The following BRK1 variants were observed in gnomAD, a reference collection of about 807,000 sequenced individuals.
The protein encoded by BRK1 is protein BRICK1.
A neutral mutation model predicts 9.9 loss-of-function variants in BRK1; 6 were observed. The ratio of observed to expected loss-of-function variants is 0.60; its 90% CI spans 0.33 to 1.19. The LOEUF is 1.19. BRK1 is among the 50% of genes most tolerant of loss of function. The pLI, the probability that BRK1 is intolerant of heterozygous loss-of-function variation, is 0.04. For synonymous variants in BRK1, 44 were observed against 31.9 expected, an observed-to-expected ratio of 1.38 and a Z score of -1.28; for missense variants, 62 against 97.5, an observed-to-expected ratio of 0.64 and a Z score of 1.53.
intron 1 of BRK1, among the ~76,000 whole-genome samples, chr3:10,118,532 G>T (rs761437312): frequency 6.6e-6 from 1 of 151,920 alleles, no homozygotes; most frequent in Non-Finnish European, 1.5e-5. Flanking sequence ...CTGTCACCTA[G>T]GCTGAAGTGC....
In BRK1 at chr3:10,126,461, G is replaced by T; in HGVS notation, c.*166G>T. ...CTTTGGGCTCTGCCATCTGGGGTGTGGTGTGGTATGTGGGAAGAAGTTCAG... is the reference window on the plus strand; with the variant it reads ...CTTTGGGCTCTGCCATCTGGGGTGTTGTGTGGTATGTGGGAAGAAGTTCAG... On this transcript the variant is annotated 3_prime_UTR_variant, in exon 3 of 3. Coordinates refer to ENST00000530758, the MANE Select transcript of BRK1 (RefSeq NM_018462.5). 1.7e-6 allele frequency: 1 copy of T among 577,338 alleles called. No individual in the cohort carries two copies. The highest frequency in any genetic ancestry group is 3.0e-6 in the Non-Finnish European group (1 of 335,460). 35.8% of individuals were successfully genotyped at this position (577,338 alleles called of 1,614,324 possible). A position where few individuals can be genotyped will look rare whatever the true frequency, so the allele number is the denominator to read the frequency against.
chr3:10,116,775 G>A (rs1695692247), intron 1 of BRK1, among the ~76,000 whole-genome samples: 1 of 152,194 alleles, frequency 6.6e-6, no homozygotes, highest in South Asian at 2.1e-4. Flanking sequence ...AAGCATCAGC[G>A]AGAGATGCTA....
rs1400548987 is a variant in BRK1, at chr3:10,126,369, A to G, written c.*74A>G. 1.5e-6 allele frequency: 2 copies of G among 1,307,666 alleles called. No homozygotes were observed. Among genetic ancestry groups the G allele is most frequent in the African/African-American group, 3.0e-5 (2 of 66,986 alleles). 81.0% of individuals were successfully genotyped at this position (1,307,666 alleles called of 1,614,324 possible). On this transcript the variant is annotated 3_prime_UTR_variant, in exon 3 of 3. Transcript: ENST00000530758. ...CATGGGAAAGGCCCCAGCAGCCTTC[A>G]GCTCCTTCCTTTCTCCTTAAAGAGC...
chr3:10,115,707 G>C lies in BRK1; in HGVS notation c.6G>C (p.Ala2=), dbSNP rs749808094. ...CTCTTCCTCAGGCGGCGGCCATGGCGGGACAGGAGGATCCGGTGCAGCGGG... is the reference window on the plus strand; with the variant it reads ...CTCTTCCTCAGGCGGCGGCCATGGCCGGACAGGAGGATCCGGTGCAGCGGG... M[A]GQEDPVQREI... is the part of the protein sequence containing the mutation. Residue 2 remains alanine (A), a synonymous_variant, in exon 1 of 3, where the codon GCG becomes GCC. Coordinates refer to ENST00000530758, the MANE Select transcript of BRK1 (RefSeq NM_018462.5). 2.5e-6 allele frequency: 4 copies of C among 1,613,598 alleles called. No individual in the cohort carries two copies. Among genetic ancestry groups the C allele is most frequent in the African/African-American group, 1.3e-5 (1 of 74,928 alleles).
intron 1 of BRK1, among the ~76,000 whole-genome samples, chr3:10,125,050 T>C (rs551405734): frequency 2.0e-5 from 3 of 152,298 alleles, no homozygotes; most frequent in African/African-American, 7.2e-5. Context: ...TAATCATACC[T>C]GCAAAGCCCT....
intron 2 of BRK1, among the ~76,000 whole-genome samples, chr3:10,125,984 G>C (rs1473518426): frequency 6.6e-6 from 1 of 152,060 alleles, no homozygotes; most frequent in Non-Finnish European, 1.5e-5. Context: ...CCAGCTACTC[G>C]GGAGGCTGAG....
At chr3:10,125,888 C>T (rs998527288) in intron 2 of BRK1, among the ~76,000 whole-genome samples, 180 bp downstream of exon 2, 4 of 152,048 alleles carry the variant, frequency 2.6e-5, no homozygotes, top group Non-Finnish European at 4.4e-5. Flanking sequence ...GTCAGGAGTT[C>T]GAGTCCAGCC....
chr3:10,118,536 G>A (rs952980629), intron 1 of BRK1, among the ~76,000 whole-genome samples: 1 of 151,948 alleles, frequency 6.6e-6, no homozygotes, highest in African/African-American at 2.4e-5. Context: ...CACCTAGGCT[G>A]AAGTGCAGTG....
In BRK1 at chr3:10,125,671, C is replaced by T. The variant is rs764357880; in HGVS notation, c.164C>T (p.Thr55Ile). 1 of 1,612,978 alleles carries T rather than the reference C, an allele frequency of 6.2e-7. No individual in the cohort carries two copies. Among genetic ancestry groups the T allele is most frequent in the Non-Finnish European group, 8.5e-7 (1 of 1,179,436 alleles). Residue 55 changes from threonine (T) to isoleucine (I), a missense_variant, in exon 2 of 3, where the codon ACA (threonine) becomes ATA (isoleucine). Thr to Ile is a moderately conservative substitution (Grantham distance 89). Coordinates refer to ENST00000530758, the MANE Select transcript of BRK1 (RefSeq NM_018462.5). ...SRLATLNEKL[T>I]ALERRIEYIE... is the part of the protein sequence containing the mutation. ...CTTGCAACACTAAACGAGAAATTGACAGCCCTTGAACGGAGAATAGAGTAC... is the reference window on the plus strand; with the variant it reads ...CTTGCAACACTAAACGAGAAATTGATAGCCCTTGAACGGAGAATAGAGTAC...
chr3:10,119,265 T>C (rs1309352831), intron 1 of BRK1, among the ~76,000 whole-genome samples: 1 of 152,012 alleles, frequency 6.6e-6, no homozygotes, highest in Non-Finnish European at 1.5e-5. Flanking sequence ...GAGACCAGCC[T>C]GGCCAATATG....
At chr3:10,125,444 A>C (rs1242955933) in intron 1 of BRK1, among the ~76,000 whole-genome samples, 182 bp from the exon 2 acceptor site, 2 of 152,222 alleles carry the variant, frequency 1.3e-5, no homozygotes, top group East Asian at 3.9e-4. Flanking sequence ...CTCTACTTGC[A>C]ACACTTGATA....
At chr3:10,124,465 A>G (rs1372695784) in intron 1 of BRK1, among the ~76,000 whole-genome samples, 1 of 152,134 alleles carries the variant, frequency 6.6e-6, no homozygotes, top group African/African-American at 2.4e-5. Flanking sequence ...TCTCAAAAAA[A>G]AAAACCAAAA....
intron 1 of BRK1, among the ~76,000 whole-genome samples, chr3:10,117,791 C>T (rs1276275094): frequency 6.6e-6 from 1 of 152,116 alleles, no homozygotes; most frequent in Non-Finnish European, 1.5e-5. Flanking sequence ...ATTATCCTCC[C>T]TTAAAGTGAT....
chr3:10,126,098 CAAAA>C (rs1695835866), intron 2 of BRK1, among the ~76,000 whole-genome samples, 167 bp from the exon 3 acceptor site: 1 of 152,066 alleles, frequency 6.6e-6, no homozygotes, highest in Non-Finnish European at 1.5e-5. Context: ...CTCAAAAAAA[CAAAA>C]GAAGAGAAAA....
intron 1 of BRK1, among the ~76,000 whole-genome samples, chr3:10,121,318 A>C (rs1429013653): frequency 6.6e-6 from 1 of 152,202 alleles, no homozygotes; most frequent in African/African-American, 2.4e-5. Flanking sequence ...TAAGCAGGTG[A>C]AAGAATGGAA....
intron 1 of BRK1, among the ~76,000 whole-genome samples, chr3:10,118,307 A>G (rs1203252632): frequency 1.3e-5 from 2 of 151,808 alleles, no homozygotes; most frequent in Non-Finnish European, 2.9e-5. Flanking sequence ...TTAGAAAAAG[A>G]CCCCACCGGC....
chr3:10,124,598 C>T (rs188649473), intron 1 of BRK1, among the ~76,000 whole-genome samples: 1 of 152,312 alleles, frequency 6.6e-6, no homozygotes, highest in East Asian at 1.9e-4. Flanking sequence ...GCAGTCTTCA[C>T]ACCTTGGCCT....
intron 1 of BRK1, among the ~76,000 whole-genome samples, chr3:10,120,985 T>C (rs1695748411): frequency 6.6e-6 from 1 of 152,130 alleles, no homozygotes; most frequent in Non-Finnish European, 1.5e-5. Context: ...AAAACCAGAC[T>C]GAAAAGAGGC....
At chr3:10,121,506 T>C (rs1427474740) in intron 1 of BRK1, among the ~76,000 whole-genome samples, 1 of 151,924 alleles carries the variant, frequency 6.6e-6, no homozygotes, top group Non-Finnish European at 1.5e-5. Flanking sequence ...AGAGTTACAC[T>C]AGAGTCAATC....
Sources: gnomAD v4.1 joint callset for allele counts (sites outside exome capture counted in the v4.1 genomes callset) on GRCh38, gnomAD v4.1.1 for gene constraint, MANE v1.5 for transcripts, NCBI Gene and HGNC (gene_info 2026-07-23, HGNC 2026-07-21) for gene names.